DRC11: variants seen among roughly 807,000 people sequenced by gnomAD.
DRC11 encodes dynein regulatory complex subunit 11.
chr2:236,487,665 A>G, the DRC11 span, among the ~76,000 whole-genome samples: 1 of 152,292 alleles, frequency 6.6e-6, no homozygotes, highest in South Asian at 2.1e-4. Context: ...CTGTAATTAT[A>G]TATCTGTGTG....
the DRC11 span, among the ~76,000 whole-genome samples, chr2:236,336,345 C>T: frequency 6.6e-6 from 1 of 152,108 alleles, no homozygotes; most frequent in Non-Finnish European, 1.5e-5. The surrounding 1 kb of genome is among the most constrained non-coding windows in gnomAD (Gnocchi z 7.3). Flanking sequence ...TTGCGGTGCT[C>T]ACGTGATTGG....
At chr2:236,447,154 C>T in the DRC11 span, among the ~76,000 whole-genome samples, 260 of 151,694 alleles carry the variant, frequency 1.7e-3, 9 homozygotes, top group African/African-American at 5.8e-3. This position sits in a 1 kb window ranked among gnomAD's most constrained non-coding sequence, Gnocchi z 4.6. Flanking sequence ...ATTAAAGTAG[C>T]TCTCACAAGG....
chr2:236,347,508 C>CTATATATATATATATATA, the DRC11 span, among the ~76,000 whole-genome samples: 218 of 107,474 alleles, frequency 2.0e-3, 5 homozygotes, highest in African/African-American at 2.5e-3. Context: ...AAAAACTGTG[C>CTATATATATATATATATA]TATATATATA....
chr2:236,405,545 C>T, the DRC11 span, among the ~76,000 whole-genome samples: 1 of 152,058 alleles, frequency 6.6e-6, no homozygotes, highest in South Asian at 2.1e-4. This position sits in a 1 kb window ranked among gnomAD's most constrained non-coding sequence, Gnocchi z 4.6. Context: ...GCACAGAAAG[C>T]TTCCTTTAGA....
chr2:236,506,012 T>C, the DRC11 span, among the ~76,000 whole-genome samples: 6 of 152,366 alleles, frequency 3.9e-5, no homozygotes, highest in Non-Finnish European at 8.8e-5. The surrounding 1 kb of genome is among the most constrained non-coding windows in gnomAD (Gnocchi z 4.9). Flanking sequence ...TATCTCATCA[T>C]ACCACTGAAT....
At chr2:236,395,007 TACAA>T in the DRC11 span, among the ~76,000 whole-genome samples, 1 of 152,178 alleles carries the variant, frequency 6.6e-6, no homozygotes, top group Non-Finnish European at 1.5e-5. Context: ...AATGTGGGCT[TACAA>T]ACAGACAGAA....
the DRC11 span, among the ~76,000 whole-genome samples, chr2:236,443,608 A>G: frequency 4.4e-3 from 668 of 152,212 alleles, 6 homozygotes; most frequent in African/African-American, 0.014. The surrounding 1 kb of genome is among the most constrained non-coding windows in gnomAD (Gnocchi z 4.4). Context: ...CATTTTCTTT[A>G]TCCAGTCTAT....
the DRC11 span, chr2:236,367,876 C>T: frequency 2.8e-6 from 1 of 360,782 alleles, no homozygotes; most frequent in Non-Finnish European, 5.3e-6. This position sits in a 1 kb window ranked among gnomAD's most constrained non-coding sequence, Gnocchi z 4.8. Flanking sequence ...AGTGGTAGCC[C>T]TAGCCCGTTC....
At chr2:236,401,840 G>A in the DRC11 span, among the ~76,000 whole-genome samples, 14 of 152,214 alleles carry the variant, frequency 9.2e-5, no homozygotes, top group East Asian at 1.9e-4. This position sits in a 1 kb window ranked among gnomAD's most constrained non-coding sequence, Gnocchi z 4.6. Flanking sequence ...CCACTGTCAC[G>A]CTACTTCACT....
chr2:236,324,092 T>A, the DRC11 span: 3 of 152,246 alleles, frequency 2.0e-5, no homozygotes, highest in African/African-American at 7.2e-5. This position sits in a 1 kb window ranked among gnomAD's most constrained non-coding sequence, Gnocchi z 5.7. Flanking sequence ...AATTAGGATG[T>A]TGAAATAGTT....
chr2:236,338,473 T>G, the DRC11 span: 1 of 1,151,576 alleles, frequency 8.7e-7, no homozygotes, highest in Admixed American at 2.3e-5. Context: ...GCAGCATCCT[T>G]TGTTAAAGTG....
chr2:236,370,313 G>A, the DRC11 span, among the ~76,000 whole-genome samples: 23 of 152,336 alleles, frequency 1.5e-4, no homozygotes, highest in Admixed American at 9.8e-4. The surrounding 1 kb of genome is among the most constrained non-coding windows in gnomAD (Gnocchi z 5.5). Context: ...TGTTTACAGC[G>A]ATTTAGTGAG....
chr2:236,429,250 G>A, the DRC11 span, among the ~76,000 whole-genome samples: 1 of 152,206 alleles, frequency 6.6e-6, no homozygotes, highest in Non-Finnish European at 1.5e-5. This position sits in a 1 kb window ranked among gnomAD's most constrained non-coding sequence, Gnocchi z 5.9. Context: ...GTTGGCACCT[G>A]CTTAGTCCTT....
chr2:236,423,265 A>T, the DRC11 span, among the ~76,000 whole-genome samples: 1 of 151,952 alleles, frequency 6.6e-6, no homozygotes, highest in African/African-American at 2.4e-5. Context: ...TGAACAGGCA[A>T]CCTACAGAAT....
At chr2:236,391,878 C>G in the DRC11 span, 15 of 953,652 alleles carry the variant, frequency 1.6e-5, no homozygotes, top group Non-Finnish European at 2.3e-5. The surrounding 1 kb of genome is among the most constrained non-coding windows in gnomAD (Gnocchi z 4.5). Flanking sequence ...GTCCTGGCAA[C>G]AGGCGGCCCT....
At chr2:236,462,217 T>A in the DRC11 span, among the ~76,000 whole-genome samples, 4 of 151,954 alleles carry the variant, frequency 2.6e-5, no homozygotes. This position sits in a 1 kb window ranked among gnomAD's most constrained non-coding sequence, Gnocchi z 6.4. Flanking sequence ...CCTATGCTCA[T>A]GGGGGAGAAC....
chr2:236,455,808 G>T, the DRC11 span, among the ~76,000 whole-genome samples: 1 of 152,180 alleles, frequency 6.6e-6, no homozygotes, highest in South Asian at 2.1e-4. This position sits in a 1 kb window ranked among gnomAD's most constrained non-coding sequence, Gnocchi z 5.7. Flanking sequence ...ACCTCCTCCA[G>T]AAAGAATGTG....
At chr2:236,448,891 G>C in the DRC11 span, among the ~76,000 whole-genome samples, 277 of 151,944 alleles carry the variant, frequency 1.8e-3, 2 homozygotes, top group Non-Finnish European at 2.6e-3. This position sits in a 1 kb window ranked among gnomAD's most constrained non-coding sequence, Gnocchi z 5.3. Context: ...ATGGAGTCTC[G>C]CTCTGTCACC....
At chr2:236,506,603 T>C in the DRC11 span, among the ~76,000 whole-genome samples, 1 of 152,190 alleles carries the variant, frequency 6.6e-6, no homozygotes, top group African/African-American at 2.4e-5. The surrounding 1 kb of genome is among the most constrained non-coding windows in gnomAD (Gnocchi z 4.9). Context: ...CATCCCCAAG[T>C]TCCCTCATCT....
Sources: gnomAD v4.1 joint callset for allele counts (sites outside exome capture counted in the v4.1 genomes callset) on GRCh38, gnomAD v4.1.1 for gene constraint, Gnocchi (gnomAD v3.1) non-coding constraint, MANE v1.5 for transcripts, NCBI Gene and HGNC (gene_info 2026-07-23, HGNC 2026-07-21) for gene names.